PIEZO2: variants seen among roughly 807,000 people sequenced by gnomAD.
PIEZO2 encodes the protein piezo-type mechanosensitive ion channel component 2.
A neutral mutation model predicts 337.3 loss-of-function variants in PIEZO2; 172 were observed. That is an observed-to-expected ratio of 0.51 (90% CI 0.45 to 0.58). PIEZO2 has a LOEUF of 0.58. PIEZO2 is among the 20% of genes least tolerant of loss of function. The probability of loss-of-function intolerance (pLI) is 0.00; values close to 1 mark genes in which losing one functional copy is unlikely to be tolerated. For missense variants in PIEZO2, 3,028 were observed against 3,391.3 expected, an observed-to-expected ratio of 0.89 and a Z score of 2.66; for synonymous variants, 1,251 against 1,228.5, an observed-to-expected ratio of 1.02 and a Z score of -0.38.
At chr18:10,948,392 T>A (rs1222443148) in intron 3 of PIEZO2, among the ~76,000 whole-genome samples, 1 of 152,178 alleles carries the variant, frequency 6.6e-6, no homozygotes, top group Non-Finnish European at 1.5e-5. Flanking sequence ...TACAAAAAAA[T>A]TCGTGTGATG....
At chr18:10,700,090 CT>C (rs201575313) in intron 43 of PIEZO2, among the ~76,000 whole-genome samples, 2,265 of 152,230 alleles carry the variant, frequency 0.015, 55 homozygotes, top group African/African-American at 0.052. Flanking sequence ...AACATTTTAG[CT>C]TTTCGTAATG....
chr18:10,854,187 G>A lies in PIEZO2; in HGVS notation c.917+1166C>T, dbSNP rs557221073. Among the ~76,000 whole-genome samples the A allele has an allele frequency of 2.6e-5, 4 of 152,204 alleles. No individual in the cohort carries two copies. Among genetic ancestry groups the A allele is most frequent in the East Asian group, 1.9e-4 (1 of 5,184 alleles). On this transcript the variant is annotated intron_variant, in intron 7 of 55. Coordinates refer to ENST00000674853, the MANE Select transcript of PIEZO2 (RefSeq NM_001378183.1). The surrounding 1 kb of genome is among the most constrained non-coding windows in gnomAD (Gnocchi z 4.6). The stretch of plus-strand genomic sequence containing the variant: ...TAGCCTTTATATTTTCTGTAAATGG[G>A]AGGTTAGGTCAAAAGTCTTAACCAT...
chr18:10,869,599 G>A (rs1408864764), intron 5 of PIEZO2, among the ~76,000 whole-genome samples: 2 of 152,122 alleles, frequency 1.3e-5, no homozygotes, highest in Non-Finnish European at 2.9e-5. Context: ...TTTAAATAAA[G>A]TCATTTTCAA....
chr18:11,115,850 G>A (rs910111475), intron 1 of PIEZO2, among the ~76,000 whole-genome samples: 2 of 152,146 alleles, frequency 1.3e-5, no homozygotes, highest in Non-Finnish European at 2.9e-5. Flanking sequence ...TTGTGTCCCA[G>A]TAGAGAGGGA....
intron 7 of PIEZO2, among the ~76,000 whole-genome samples, chr18:10,831,624 T>A (rs1265194614): frequency 6.6e-6 from 1 of 152,056 alleles, no homozygotes; most frequent in Non-Finnish European, 1.5e-5. Flanking sequence ...TACTGTACAG[T>A]TTAAAATAAC....
In PIEZO2 at chr18:10,773,115, A is replaced by G. The variant is rs2038661020; in HGVS notation, c.2785+297T>C. On this transcript the variant is annotated intron_variant, in intron 20 of 55. Coordinates refer to ENST00000674853, the MANE Select transcript of PIEZO2 (RefSeq NM_001378183.1). The surrounding 1 kb of genome is among the most constrained non-coding windows in gnomAD (Gnocchi z 5.3). ...GTACCTGCATCTGGTAGAAACAGAG[A>G]GGCTCTGACTGAGGACGTGGTCAAC... Among the ~76,000 whole-genome samples the G allele has an allele frequency of 6.6e-6, 1 of 151,918 alleles. No individual in the cohort carries two copies. Among genetic ancestry groups the G allele is most frequent in the East Asian group, 1.9e-4 (1 of 5,196 alleles).
chr18:10,989,128 AG>A (rs1259722384), intron 2 of PIEZO2, among the ~76,000 whole-genome samples: 1 of 152,112 alleles, frequency 6.6e-6, no homozygotes, highest in African/African-American at 2.4e-5. Context: ...AGGAAGAGAG[AG>A]GAGACTTTGG....
chr18:10,939,249 T>G (rs1181020016), intron 3 of PIEZO2, among the ~76,000 whole-genome samples: 1 of 145,074 alleles, frequency 6.9e-6, no homozygotes, highest in Non-Finnish European at 1.5e-5. Flanking sequence ...ACAATGAGGA[T>G]GCAAAAAAGT....
intron 7 of PIEZO2, among the ~76,000 whole-genome samples, chr18:10,841,414 C>A (rs1009697721): frequency 1.3e-5 from 2 of 152,026 alleles, no homozygotes; most frequent in African/African-American, 4.8e-5. Context: ...GTGGGGGAGG[C>A]CAAGGCAAGC....
At chr18:11,134,442 G>A (rs2040425265) in intron 1 of PIEZO2, among the ~76,000 whole-genome samples, 1 of 152,180 alleles carries the variant, frequency 6.6e-6, no homozygotes, top group Non-Finnish European at 1.5e-5. Flanking sequence ...TCTCACGGCT[G>A]TGACAGTGAC....
chr18:11,136,953 C>G (rs528176651), intron 1 of PIEZO2, among the ~76,000 whole-genome samples: 3 of 152,256 alleles, frequency 2.0e-5, no homozygotes, highest in Admixed American at 2.0e-4. Flanking sequence ...CAATTAATAA[C>G]TATAATGTAG....
chr18:10,719,010 TA>T lies in PIEZO2; in HGVS notation c.5030-752del, dbSNP rs1475311745. Among the ~76,000 whole-genome samples, 1,081 of 151,252 alleles carry T rather than the reference TA, an allele frequency of 7.1e-3. 17 individuals are homozygous for T. Among genetic ancestry groups the T allele is most frequent in the African/African-American group, 0.025 (1,041 of 41,298 alleles). On this transcript the variant is annotated intron_variant, in intron 36 of 55. Coordinates refer to ENST00000674853, the MANE Select transcript of PIEZO2 (RefSeq NM_001378183.1). ...ATAAATAAATAAATAAATAAATAAA[TA>T]AATAAATAAATAAATTTGCTATGAG...
chr18:10,768,207 A>G (rs1039889228), intron 21 of PIEZO2, among the ~76,000 whole-genome samples: 3 of 152,194 alleles, frequency 2.0e-5, no homozygotes, highest in African/African-American at 7.2e-5. Flanking sequence ...TGGGTGCACA[A>G]TTTTAACTAC....
At chr18:10,762,239 G>T (rs193248050) in intron 23 of PIEZO2, among the ~76,000 whole-genome samples, 1 of 152,248 alleles carries the variant, frequency 6.6e-6, no homozygotes, top group African/African-American at 2.4e-5. Flanking sequence ...ATCTTGTAAT[G>T]GTCTTAACAT....
chr18:10,711,268 A>C (rs546468842), intron 39 of PIEZO2, among the ~76,000 whole-genome samples: 4 of 152,354 alleles, frequency 2.6e-5, no homozygotes, highest in Admixed American at 1.3e-4. Context: ...TGTAGTTAAA[A>C]GTCATAAAGA....
chr18:10,861,119 C>T lies in PIEZO2; in HGVS notation c.493-3908G>A, dbSNP rs2041860505. On this transcript the variant is annotated intron_variant, in intron 5 of 55. Coordinates refer to ENST00000674853, the MANE Select transcript of PIEZO2 (RefSeq NM_001378183.1). This position sits in a 1 kb window ranked among gnomAD's most constrained non-coding sequence, Gnocchi z 4.3. ...TTCTGCTGATGTATAAACACTGAAC[C>T]TCTGAAAGAGCATGGACTCACTCTC... 6.6e-6 allele frequency among the ~76,000 whole-genome samples: 1 copy of T among 152,152 alleles called. No homozygotes were observed. The highest frequency in any genetic ancestry group is 2.4e-5 in the African/African-American group (1 of 41,440).
intron 3 of PIEZO2, among the ~76,000 whole-genome samples, chr18:10,948,057 A>T (rs901838623): frequency 6.6e-6 from 1 of 152,214 alleles, no homozygotes; most frequent in African/African-American, 2.4e-5. Flanking sequence ...ACAGTGGATG[A>T]CAGACCAGTT....
chr18:11,088,380 A>G (rs539359713), intron 1 of PIEZO2, among the ~76,000 whole-genome samples: 1 of 152,366 alleles, frequency 6.6e-6, no homozygotes, highest in Admixed American at 6.5e-5. Flanking sequence ...ATTCTCTGTG[A>G]CTTCCTATTC....
chr18:11,041,701 T>C (rs1156688954), intron 2 of PIEZO2, among the ~76,000 whole-genome samples: 1 of 152,230 alleles, frequency 6.6e-6, no homozygotes, highest in African/African-American at 2.4e-5. Flanking sequence ...AAATACAAAC[T>C]ATTGCTGCTT....
Sources: allele counts gnomAD v4.1 joint callset (sites outside exome capture counted in the v4.1 genomes callset), GRCh38; gene constraint gnomAD v4.1.1; non-coding constraint Gnocchi (gnomAD v3.1); transcripts MANE v1.5; gene names NCBI Gene and HGNC (gene_info 2026-07-23, HGNC 2026-07-21).